The following AUH variants were observed in gnomAD, a reference collection of about 807,000 sequenced individuals.
AUH encodes AU RNA binding methylglutaconyl-CoA hydratase.
AUH carries 29 observed loss-of-function variants against 42.3 expected under a neutral mutation model. The observed-to-expected ratio is 0.69, with a 90% CI of 0.51 to 0.93. The LOEUF is 0.93. AUH is among the 40% of genes least tolerant of loss of function. The pLI is 0.00. For missense variants in AUH, 452 were observed against 438.1 expected, an observed-to-expected ratio of 1.03 and a Z score of -0.28; for synonymous variants, 174 against 166.4, an observed-to-expected ratio of 1.05 and a Z score of -0.35.
intron 4 of AUH, among the ~76,000 whole-genome samples, chr9:91,309,446 A>AT (rs1828528376): frequency 6.6e-6 from 1 of 152,142 alleles, no homozygotes; most frequent in Non-Finnish European, 1.5e-5. Context: ...TTTCTTCCTA[A>AT]TGTGGTATAT....
chr9:91,282,581 A>G (rs1268812395), intron 6 of AUH, among the ~76,000 whole-genome samples: 1 of 152,186 alleles, frequency 6.6e-6, no homozygotes, highest in Non-Finnish European at 1.5e-5. Flanking sequence ...AGGTCAGAGA[A>G]GTAGCCAGGG....
chr9:91,278,371 CTG>C (rs1825711600), intron 6 of AUH, among the ~76,000 whole-genome samples: 1 of 152,306 alleles, frequency 6.6e-6, no homozygotes, highest in East Asian at 1.9e-4. Flanking sequence ...AACCTGAACA[CTG>C]AGGATTTTTT....
intron 6 of AUH, among the ~76,000 whole-genome samples, chr9:91,295,051 G>A (rs948732724): frequency 1.3e-5 from 2 of 152,138 alleles, no homozygotes; most frequent in African/African-American, 2.4e-5. Flanking sequence ...TATTCTCGTC[G>A]TGGTGAATAA....
intron 6 of AUH, among the ~76,000 whole-genome samples, chr9:91,285,808 C>T (rs1826356041): frequency 6.6e-6 from 1 of 152,020 alleles, no homozygotes; most frequent in African/African-American, 2.4e-5. Flanking sequence ...AGTGTGTGCT[C>T]GTGTATACGC....
Position 91,320,726 on chromosome 9 carries a change from T to C in AUH, c.505+4592A>G, listed in dbSNP as rs187735357. Among the ~76,000 whole-genome samples, 788 of 152,364 alleles carry C rather than the reference T, an allele frequency of 5.2e-3. 1 individual carries two copies. Among genetic ancestry groups the C allele is most frequent in the Non-Finnish European group, 8.9e-3 (606 of 68,024 alleles). On this transcript the variant is annotated intron_variant, in intron 4 of 9. Coordinates refer to ENST00000375731, the MANE Select transcript of AUH (RefSeq NM_001698.3). Reference sequence around the variant, plus strand: ...CACCGTGGACAGAAAATATGGTCTCTATACACCAATTTTCTGAAATTTAAC... The same window carrying C: ...CACCGTGGACAGAAAATATGGTCTCCATACACCAATTTTCTGAAATTTAAC...
chr9:91,261,067 G>A (rs560526244), intron 6 of AUH, among the ~76,000 whole-genome samples: 5 of 152,026 alleles, frequency 3.3e-5, no homozygotes, highest in South Asian at 4.2e-4. Context: ...AAACGTAGTC[G>A]TGGCTTTGAG....
intron 6 of AUH, among the ~76,000 whole-genome samples, chr9:91,261,561 A>C (rs1829709738): frequency 6.6e-6 from 1 of 152,208 alleles, no homozygotes; most frequent in Non-Finnish European, 1.5e-5. Context: ...GGCAATCACC[A>C]ACCAACTCAA....
At chr9:91,308,022 C>A (rs62565788) in intron 4 of AUH, among the ~76,000 whole-genome samples, 1 of 152,048 alleles carries the variant, frequency 6.6e-6, no homozygotes, top group Non-Finnish European at 1.5e-5. Flanking sequence ...TAAGGTAGTA[C>A]CAAAATACAA....
At chr9:91,276,094 T>G (rs1198992308) in intron 6 of AUH, among the ~76,000 whole-genome samples, 1 of 151,966 alleles carries the variant, frequency 6.6e-6, no homozygotes, top group African/African-American at 2.4e-5. Flanking sequence ...CATAAGCTAA[T>G]GGGGTACATA....
At chr9:91,350,139 A>T (rs939788497) in intron 3 of AUH, among the ~76,000 whole-genome samples, 4 of 152,250 alleles carry the variant, frequency 2.6e-5, no homozygotes, top group Non-Finnish European at 5.9e-5. Flanking sequence ...ATCTGTATTT[A>T]CATATTACTG....
intron 6 of AUH, among the ~76,000 whole-genome samples, chr9:91,250,273 T>C (rs141454855): frequency 6.6e-6 from 1 of 152,122 alleles, no homozygotes; most frequent in African/African-American, 2.4e-5. Context: ...CAGCTTGCCA[T>C]GGTGTGCAAG....
chr9:91,214,391 AG>A lies in AUH; in HGVS notation c.976del (p.Ala327LeufsTer20). 4.3e-6 allele frequency: 7 copies of A among 1,610,604 alleles called. No individual in the cohort carries two copies. Among genetic ancestry groups the A allele is most frequent in the Non-Finnish European group, 5.9e-6 (7 of 1,178,380 alleles). On this transcript the variant is annotated frameshift_variant, in exon 10 of 10. Transcript: ENST00000375731. LOFTEE classifies it high-confidence loss of function. Reference protein sequence around the residue: ...IPTKDRLEGLLAFKEKRPPRY... With the variant: ...IPTKDRLEGLXAFKEKRPPRY... ...AGGGGGCCTTTTCTCTTTAAAAGCA[AG>A]AAGACCTTCAAGTCTGTCTTTTGTT...
At chr9:91,353,925 G>A (rs1460406325) in intron 3 of AUH, among the ~76,000 whole-genome samples, 1 of 151,498 alleles carries the variant, frequency 6.6e-6, no homozygotes. Context: ...CCAGCCCTTT[G>A]GGATGCCGAG....
rs199774031 is a variant in AUH, at chr9:91,298,042, A to C, written c.540T>G (p.Asp180Glu). ...NLPVPTIAAI[D>E]GLALGGGLEL... ...CAAGACCACCACCTAAAGCGAGTCCATCTATTGCTGCAATTGTTGGTACTG... is the reference window on the plus strand; with the variant it reads ...CAAGACCACCACCTAAAGCGAGTCCCTCTATTGCTGCAATTGTTGGTACTG... Residue 180 changes from aspartate (D) to glutamate (E), a missense_variant, in exon 5 of 10, where the codon GAT becomes GAG. Physicochemically the swap from Asp to Glu is conservative, Grantham distance 45. Transcript: ENST00000375731. 5 of 1,614,046 alleles carry C rather than the reference A, an allele frequency of 3.1e-6. No individual in the cohort carries two copies. The highest frequency in any genetic ancestry group is 3.4e-6 in the Non-Finnish European group (4 of 1,179,914).
At chr9:91,252,752 A>G (rs1244684596) in intron 6 of AUH, among the ~76,000 whole-genome samples, 1 of 152,266 alleles carries the variant, frequency 6.6e-6, no homozygotes, top group African/African-American at 2.4e-5. Flanking sequence ...ACATTAGAAT[A>G]AAAGCTATCA....
intron 6 of AUH, among the ~76,000 whole-genome samples, chr9:91,234,670 A>G (rs761034341): frequency 6.6e-6 from 1 of 151,712 alleles, no homozygotes; most frequent in Admixed American, 6.6e-5. Context: ...TTAACCTAAC[A>G]AGTGCCAGGC....
At position 91,239,168 on chromosome 9, in the gene AUH, T is replaced by TTC. The variant is rs147117508; in HGVS notation, c.656-18177_656-18176insGA. On this transcript the variant is annotated intron_variant, in intron 6 of 9. Coordinates refer to ENST00000375731, the MANE Select transcript of AUH (RefSeq NM_001698.3). ...AGCTTTTTGTTCTGTTTTTTTTTTT[T>TTC]ATCCTTCATCTTTTCCCTTCTCAAG... 5.3e-5 allele frequency among the ~76,000 whole-genome samples: 8 copies of TTC among 151,330 alleles called. 1 individual carries two copies. In the East Asian group the frequency reaches 7.8e-4, roughly 15 times the overall value.
intron 6 of AUH, among the ~76,000 whole-genome samples, chr9:91,265,278 T>A (rs1829910808): frequency 1.1e-5 from 1 of 92,446 alleles, no homozygotes. Flanking sequence ...TGCTCTTGCA[T>A]TTTTTTTTTT....
At chr9:91,325,903 G>A (rs1459277966) in intron 3 of AUH, among the ~76,000 whole-genome samples, 3 of 152,160 alleles carry the variant, frequency 2.0e-5, no homozygotes, top group South Asian at 2.1e-4. Flanking sequence ...TTACACTTTG[G>A]TCAGTCCTTT....
Sources: gnomAD v4.1 joint callset for allele counts (sites outside exome capture counted in the v4.1 genomes callset) on GRCh38, gnomAD v4.1.1 for gene constraint, MANE v1.5 for transcripts, NCBI Gene and HGNC (gene_info 2026-07-23, HGNC 2026-07-21) for gene names.